Variants in BTBD9 observed in about 807,000 individuals in gnomAD.
BTBD9 encodes BTB/POZ domain-containing protein 9.
BTBD9 carries 49 observed loss-of-function variants against 64.3 expected under a neutral mutation model. That is an observed-to-expected ratio of 0.76 (90% confidence interval 0.61 to 0.97). The LOEUF (loss-of-function observed/expected upper bound fraction) is 0.97, where lower values mean the gene tolerates loss of function less well. Among genes scored for constraint, BTBD9 ranks in the 50% least tolerant of loss-of-function variants. The pLI is 0.00. For synonymous variants in BTBD9, 260 were observed against 274.7 expected (o/e 0.95, Z 0.53); for missense variants, 598 against 762.1 (o/e 0.78, Z 2.53).
intron 9 of BTBD9, among the ~76,000 whole-genome samples, chr6:38,205,309 G>A (rs1373960802): frequency 6.6e-6 from 1 of 152,158 alleles, no homozygotes; most frequent in East Asian, 1.9e-4. Flanking sequence ...GATCTTAAAA[G>A]TTCTGGAGGG....
chr6:38,429,369 C>T (rs1258194922), intron 6 of BTBD9, among the ~76,000 whole-genome samples: 5 of 150,504 alleles, frequency 3.3e-5, no homozygotes, highest in Non-Finnish European at 1.5e-5. Flanking sequence ...GCAGGAGAAT[C>T]GCTTGAACCC....
At chr6:38,343,116 G>A (rs1329863014) in intron 7 of BTBD9, among the ~76,000 whole-genome samples, 2 of 152,208 alleles carry the variant, frequency 1.3e-5, no homozygotes, top group Non-Finnish European at 2.9e-5. Flanking sequence ...TCAAACTTGT[G>A]AGCACCATGG....
intron 6 of BTBD9, among the ~76,000 whole-genome samples, chr6:38,345,400 G>A (rs1764240563): frequency 6.6e-6 from 1 of 152,226 alleles, no homozygotes; most frequent in Non-Finnish European, 1.5e-5. Flanking sequence ...TCAGGTACAT[G>A]ACCGTAAGAC....
At chr6:38,626,664 TTAAC>T (rs1208993680) in intron 1 of BTBD9, among the ~76,000 whole-genome samples, 1 of 152,234 alleles carries the variant, frequency 6.6e-6, no homozygotes, top group African/African-American at 2.4e-5. Flanking sequence ...TTACATGAAT[TTAAC>T]TATTTATATG....
intron 1 of BTBD9, among the ~76,000 whole-genome samples, chr6:38,604,133 A>G (rs1777347151): frequency 6.6e-6 from 1 of 152,198 alleles, no homozygotes; most frequent in Non-Finnish European, 1.5e-5. Flanking sequence ...AACCTTGCAG[A>G]AGAGAATTAT....
chr6:38,551,883 A>C (rs1268085405), intron 6 of BTBD9, among the ~76,000 whole-genome samples: 1 of 152,256 alleles, frequency 6.6e-6, no homozygotes, highest in Non-Finnish European at 1.5e-5. Flanking sequence ...GGTTTAAGGC[A>C]GCAGTATAAA....
chr6:38,289,869 T>C (rs1043398434), intron 7 of BTBD9, among the ~76,000 whole-genome samples: 2 of 152,122 alleles, frequency 1.3e-5, no homozygotes, highest in Admixed American at 6.6e-5. Context: ...GAATAAAAGG[T>C]GAGGGCCTTT....
chr6:38,176,112 G>T (rs748789578), intron 10 of BTBD9, among the ~76,000 whole-genome samples: 2 of 152,162 alleles, frequency 1.3e-5, no homozygotes, highest in South Asian at 2.1e-4. Flanking sequence ...AGTAGACAAC[G>T]TGCTTCGGGG....
intron 6 of BTBD9, among the ~76,000 whole-genome samples, chr6:38,359,900 T>C (rs186290020): frequency 2.6e-5 from 4 of 151,704 alleles, no homozygotes; most frequent in Admixed American, 2.6e-4. Flanking sequence ...CTGTTGGACC[T>C]CTGTTTTCAT....
rs112829753 is a variant in BTBD9, at chr6:38,440,138, T to C, written c.1155-95045A>G. On this transcript the variant is annotated intron_variant, in intron 6 of 10. Coordinates refer to ENST00000481247, the MANE Select transcript of BTBD9 (RefSeq NM_001099272.2). ...CAAGCTGGATATATAGATTTGGGAG[T>C]GTTCAGCATAGATATAGTTTAAAGC... is the stretch of plus-strand genomic sequence containing the variant. Among the ~76,000 whole-genome samples, 1,113 of 152,162 alleles carry C rather than the reference T, an allele frequency of 7.3e-3. 9 individuals are homozygous for C. The highest frequency in any genetic ancestry group is 0.025 in the African/African-American group (1,053 of 41,514).
chr6:38,336,531 G>A (rs1470513739), intron 7 of BTBD9, among the ~76,000 whole-genome samples: 1 of 151,938 alleles, frequency 6.6e-6, no homozygotes, highest in Non-Finnish European at 1.5e-5. Flanking sequence ...TAGCTCTTGT[G>A]AGAACTCACT....
intron 2 of BTBD9, among the ~76,000 whole-genome samples, chr6:38,594,669 G>C (rs1776962529): frequency 6.6e-6 from 1 of 152,150 alleles, no homozygotes; most frequent in Non-Finnish European, 1.5e-5. Flanking sequence ...AATTTAAAAA[G>C]TAAAACTCTA....
intron 6 of BTBD9, among the ~76,000 whole-genome samples, chr6:38,426,877 A>G (rs1768184771): frequency 6.6e-6 from 1 of 151,830 alleles, no homozygotes; most frequent in Admixed American, 6.6e-5. Context: ...ACCATCTTGG[A>G]AGCTCTGTGA....
intron 6 of BTBD9, among the ~76,000 whole-genome samples, chr6:38,553,900 G>C (rs1774913818): frequency 6.6e-6 from 1 of 151,780 alleles, no homozygotes; most frequent in African/African-American, 2.4e-5. Context: ...ATTGGGAACA[G>C]GAAGTTCTGG....
chr6:38,531,049 T>C (rs1192151610), intron 6 of BTBD9, among the ~76,000 whole-genome samples: 1 of 151,984 alleles, frequency 6.6e-6, no homozygotes, highest in Non-Finnish European at 1.5e-5. Flanking sequence ...GGGTAGAAAA[T>C]TTATTCAAAG....
rs114153385 is a variant in BTBD9 at position 38,584,337 on chromosome 6, A to G, written c.815-3900T>C. On this transcript the variant is annotated intron_variant, in intron 4 of 10. Coordinates refer to ENST00000481247, the MANE Select transcript of BTBD9 (RefSeq NM_001099272.2). Reference sequence around the variant, plus strand: ...AGCAAGACTCTGTCTTGAAAAAACAAGGTGATAAAGATTAAACAAGATAGT... The same window carrying G: ...AGCAAGACTCTGTCTTGAAAAAACAGGGTGATAAAGATTAAACAAGATAGT... Among the ~76,000 whole-genome samples, 640 of 152,328 alleles carry G rather than the reference A, an allele frequency of 4.2e-3. 9 individuals are homozygous for G. The highest frequency in any genetic ancestry group is 0.015 in the African/African-American group (606 of 41,568).
At chr6:38,288,514 C>G (rs1204915561) in intron 7 of BTBD9, 53 bp from the exon 8 acceptor site, 2 of 1,460,558 alleles carry the variant, frequency 1.4e-6, no homozygotes, top group Non-Finnish European at 1.9e-6. Flanking sequence ...CCAAATATAT[C>G]TCTATAGTGT....
chr6:38,198,261 G>A (rs987828746), intron 9 of BTBD9, among the ~76,000 whole-genome samples: 1 of 151,794 alleles, frequency 6.6e-6, no homozygotes, highest in Non-Finnish European at 1.5e-5. Flanking sequence ...AAAAATTAGT[G>A]GGGGAAGTGG....
chr6:38,463,595 A>T (rs1183541069), intron 6 of BTBD9, among the ~76,000 whole-genome samples: 1 of 152,228 alleles, frequency 6.6e-6, no homozygotes, highest in Admixed American at 6.5e-5. Context: ...TGGATTTTAC[A>T]AAATTCTGCC....
Sources: allele counts gnomAD v4.1 joint callset (sites outside exome capture counted in the v4.1 genomes callset), GRCh38; gene constraint gnomAD v4.1.1; transcripts MANE v1.5; gene names NCBI Gene and HGNC (gene_info 2026-07-23, HGNC 2026-07-21).